Variants in SLC6A18 observed in about 807,000 individuals in gnomAD.
The protein encoded by SLC6A18 is inactive sodium-dependent neutral amino acid transporter B(0)AT3.
A neutral mutation model predicts 62.9 loss-of-function variants in SLC6A18; 58 were observed. The ratio of observed to expected loss-of-function variants is 0.92; its 90% CI spans 0.75 to 1.15. SLC6A18 has a LOEUF of 1.15. Ranked by LOEUF, SLC6A18 falls within the 50% of genes most tolerant of loss-of-function variation. The pLI is 0.00. For synonymous variants in SLC6A18, 382 were observed against 365.8 expected (o/e 1.04, Z -0.51); for missense variants, 793 against 836.6 (o/e 0.95, Z 0.64).
chr5:1,240,034 C>G (rs1747012735), intron 6 of SLC6A18, among the ~76,000 whole-genome samples: 1 of 152,212 alleles, frequency 6.6e-6, no homozygotes, highest in Non-Finnish European at 1.5e-5. Context: ...CGGAGGCAGG[C>G]AGTTTGCATG....
intron 3 of SLC6A18, among the ~76,000 whole-genome samples, chr5:1,233,452 G>A (rs573697996): frequency 1.7e-4 from 26 of 152,054 alleles, no homozygotes; most frequent in Admixed American, 3.9e-4. Context: ...CACTCCAGAC[G>A]GGGTGACAGA....
rs1419579010 is a variant in SLC6A18 at position 1,243,297 on chromosome 5, C to T, written c.1132-258C>T. 6.6e-6 allele frequency among the ~76,000 whole-genome samples: 1 copy of T among 152,156 alleles called. No individual in the cohort carries two copies. The highest frequency in any genetic ancestry group is 1.9e-4 in the East Asian group (1 of 5,188). On this transcript the variant is annotated intron_variant, in intron 8 of 11. Transcript: ENST00000324642. This position sits in a 1 kb window ranked among gnomAD's most constrained non-coding sequence, Gnocchi z 6.5. The stretch of plus-strand genomic sequence containing the variant: ...GCATCTCAGGGTGCCTGACTCTAGG[C>T]ATAAAAGGCGCTGGTTTCTAGGCCC...
chr5:1,233,014 G>C (rs1391160469), intron 3 of SLC6A18, 126 bp downstream of exon 3: 1 of 1,397,750 alleles, frequency 7.2e-7, no homozygotes, highest in Non-Finnish European at 9.5e-7. Flanking sequence ...CCGGGGAACC[G>C]GTTGCTCTGT....
chr5:1,245,100 CCCTG>C (rs1331703625), intron 11 of SLC6A18, among the ~76,000 whole-genome samples: 1 of 152,198 alleles, frequency 6.6e-6, no homozygotes, highest in Admixed American at 6.5e-5. Flanking sequence ...GCTTCATCCT[CCCTG>C]CCTGTGTCCT....
chr5:1,244,540 G>C (rs376363764), intron 10 of SLC6A18, 68 bp from the exon 11 acceptor site: 1 of 1,549,872 alleles, frequency 6.5e-7, no homozygotes, highest in Non-Finnish European at 8.7e-7. Context: ...GTTAGGGTCC[G>C]ATCCTCGGCT....
chr5:1,238,348 AGGAAAGAGGTCAGGTTTGGAGTGGGCCT>A (rs1429789037), intron 5 of SLC6A18, among the ~76,000 whole-genome samples: 51 of 125,150 alleles, frequency 4.1e-4, no homozygotes, highest in African/African-American at 8.3e-4. Flanking sequence ...CTGGGGCCTC[AGGAAAGAGGTCAGGTTTGGAGTGGGCCT>A]GGGGCCTCAG....
chr5:1,244,698 C>A lies in SLC6A18; in HGVS notation c.1587C>A (p.Thr529=), dbSNP rs1747170676. ...TWRVVSPLLL[T]IFVAYIILLF... ...GGGTGGTCAGTCCCCTGCTGCTGAC[C>A]ATCTTTGTGGCTTACATCATCCTCC... Residue 529 remains threonine (T), a synonymous_variant, in exon 11 of 12, where the codon ACC becomes ACA. Coordinates refer to ENST00000324642, the MANE Select transcript of SLC6A18 (RefSeq NM_182632.3). The A allele has an allele frequency of 1.2e-6, 2 of 1,613,108 alleles. No individual in the cohort carries two copies. Among genetic ancestry groups the A allele is most frequent in the Non-Finnish European group, 1.7e-6 (2 of 1,179,328 alleles).
Position 1,232,343 on chromosome 5 carries a change from G to A in SLC6A18, c.285G>A (p.Pro95=), listed in dbSNP as rs556083333. 4.6e-5 allele frequency: 74 copies of A among 1,610,978 alleles called. No homozygotes were observed. The highest frequency in any genetic ancestry group is 2.9e-4 in the East Asian group (13 of 44,854). ...GSVGVWTAIS[P]YLSGVGLGCV... is the part of the protein sequence containing the mutation. Reference sequence around the variant, plus strand: ...TCGGCGTGTGGACGGCCATCTCCCCGTACCTCAGTGGAGTAGGTAGGCCAC... The same window carrying A: ...TCGGCGTGTGGACGGCCATCTCCCCATACCTCAGTGGAGTAGGTAGGCCAC... The change falls in exon 2 of 12, where the codon CCG becomes CCA. Residue 95 remains proline (P), a synonymous_variant. Transcript: ENST00000324642.
At chr5:1,226,623 A>G (rs1226039298) in intron 1 of SLC6A18, among the ~76,000 whole-genome samples, 20 of 152,208 alleles carry the variant, frequency 1.3e-4, no homozygotes, top group Non-Finnish European at 1.5e-5. Flanking sequence ...AAAAACAAAA[A>G]GAAACACCCG....
chr5:1,232,973 C>A, intron 3 of SLC6A18, 85 bp downstream of exon 3: 1 of 1,516,270 alleles, frequency 6.6e-7, no homozygotes, highest in Non-Finnish European at 8.8e-7. Context: ...AGAGCAGCTG[C>A]GGGTGGCGGA....
In SLC6A18 at chr5:1,235,491, G is replaced by C. The variant is rs1746858232; in HGVS notation, c.450G>C (p.Glu150Asp). The C allele has an allele frequency of 1.9e-6, 3 of 1,613,796 alleles. No individual in the cohort carries two copies. The East Asian group carries it at 6.7e-5, about 36-fold the overall frequency. Residue 150 changes from glutamate (E) to aspartate (D), a missense_variant, in exon 4 of 12, where the codon GAG becomes GAC. Transcript: ENST00000324642. ...PPDLNRTGFV[E>D]ECQGSSAVSY... The stretch of plus-strand genomic sequence containing the variant: ...GCCCCCTGGTTTCAGGGTTTGTGGA[G>C]GAGTGCCAGGGCAGCAGCGCCGTGA...
intron 3 of SLC6A18, 72 bp downstream of exon 3, chr5:1,232,960 A>G: frequency 1.3e-6 from 2 of 1,535,520 alleles, no homozygotes; most frequent in Non-Finnish European, 1.8e-6. Context: ...CGTGTCCAGC[A>G]TCAGAGCAGC....
intron 4 of SLC6A18, among the ~76,000 whole-genome samples, 163 bp from the exon 5 acceptor site, chr5:1,237,787 C>T (rs1349369361): frequency 6.6e-6 from 1 of 152,156 alleles, no homozygotes; most frequent in Non-Finnish European, 1.5e-5. Flanking sequence ...GAGCCTGCAC[C>T]CCACCATCCC....
rs1747028620 is a variant in SLC6A18 at position 1,240,614 on chromosome 5, T to A, written c.929T>A (p.Val310Asp). The A allele has an allele frequency of 6.2e-7, 1 of 1,614,026 alleles. No homozygotes were observed. Among genetic ancestry groups the A allele is most frequent in the African/African-American group, 1.3e-5 (1 of 74,940 alleles). ...SLYASIAVFSVLGFKATNDYE... is the reference protein window; with the variant it reads ...SLYASIAVFSDLGFKATNDYE... ...TACGCGTCCATCGCTGTCTTCTCTGTCCTGGGGTTCAAAGCAACTAATGAC... is the reference window on the plus strand; with the variant it reads ...TACGCGTCCATCGCTGTCTTCTCTGACCTGGGGTTCAAAGCAACTAATGAC... Residue 310 changes from valine to aspartate, a missense_variant, in exon 7 of 12, where the codon GTC (valine) becomes GAC (aspartate). Coordinates refer to ENST00000324642, the MANE Select transcript of SLC6A18 (RefSeq NM_182632.3).
rs144132098 is a variant in SLC6A18 at position 1,229,074 on chromosome 5, C to A, written c.161-3145C>A. On this transcript the variant is annotated intron_variant, in intron 1 of 11. Coordinates refer to ENST00000324642, the MANE Select transcript of SLC6A18 (RefSeq NM_182632.3). Reference sequence around the variant, plus strand: ...GGACTTGGGTTGGCCAACAGAGCCACCACCCCCAACCACAACACTCTGGTT... The same window carrying A: ...GGACTTGGGTTGGCCAACAGAGCCAACACCCCCAACCACAACACTCTGGTT... Among the ~76,000 whole-genome samples, 1,368 of 152,306 alleles carry A rather than the reference C, an allele frequency of 9.0e-3. 26 individuals carry two copies. Among genetic ancestry groups the A allele is most frequent in the African/African-American group, 0.031 (1,279 of 41,560 alleles).
At position 1,243,340 on chromosome 5, in the gene SLC6A18, T is replaced by C. The variant is rs1309737223; in HGVS notation, c.1132-215T>C. 1.3e-5 allele frequency among the ~76,000 whole-genome samples: 2 copies of C among 152,088 alleles called. No homozygotes were observed. Among genetic ancestry groups the C allele is most frequent in the Non-Finnish European group, 2.9e-5 (2 of 67,990 alleles). ...CTAGGCCCAGCTGCCTGCTGTGGGT[T>C]ATTAAAGGGGAAGGACCCTCCCCTG... On this transcript the variant is annotated intron_variant, in intron 8 of 11. Coordinates refer to ENST00000324642, the MANE Select transcript of SLC6A18 (RefSeq NM_182632.3). This position sits in a 1 kb window ranked among gnomAD's most constrained non-coding sequence, Gnocchi z 6.5.
At chr5:1,235,102 C>A (rs1362831549) in intron 3 of SLC6A18, among the ~76,000 whole-genome samples, 5 of 152,218 alleles carry the variant, frequency 3.3e-5, no homozygotes, top group Non-Finnish European at 5.9e-5. Context: ...TAGCCAGCCA[C>A]ACACTTGACA....
At position 1,246,145 on chromosome 5, in the gene SLC6A18, C is replaced by G; in HGVS notation, c.*67C>G. On this transcript the variant is annotated 3_prime_UTR_variant, in exon 12 of 12. Transcript: ENST00000324642. ...GGCTTGGCCTGATGGTGGGCGGGGC[C>G]CCGCCCACAGGGCCGACCCCAATAC... The G allele has an allele frequency of 6.7e-7, 1 of 1,487,958 alleles. No homozygotes were observed. Among genetic ancestry groups the G allele is most frequent in the Non-Finnish European group, 8.9e-7 (1 of 1,125,286 alleles). The allele number at this position is 1,487,958 out of a possible 1,614,324, so 92.2% of individuals were successfully genotyped here. A position where few individuals can be genotyped will look rare whatever the true frequency, so the allele number is the denominator to read the frequency against.
rs768807507 is a variant in SLC6A18 at position 1,244,611 on chromosome 5, C to T, written c.1500C>T (p.Phe500=). The T allele has an allele frequency of 1.3e-6, 2 of 1,594,846 alleles. No homozygotes were observed. The highest frequency in any genetic ancestry group is 1.7e-6 in the Non-Finnish European group (2 of 1,167,040). ...CTGAGCCCAGCATCTGGTGCAGGTTCTGCGATGACATTGCGTGGATGACCG... is the reference window on the plus strand; with the variant it reads ...CTGAGCCCAGCATCTGGTGCAGGTTTTGCGATGACATTGCGTGGATGACCG... ...GVVYVYGMKR[F]CDDIAWMTGR... is the part of the protein sequence containing the mutation. The change falls in exon 11 of 12, where the codon TTC becomes TTT. Residue 500 remains phenylalanine (F), a synonymous_variant. Coordinates refer to ENST00000324642, the MANE Select transcript of SLC6A18 (RefSeq NM_182632.3).
Sources: gnomAD v4.1 joint callset for allele counts (sites outside exome capture counted in the v4.1 genomes callset) on GRCh38, gnomAD v4.1.1 for gene constraint, Gnocchi (gnomAD v3.1) non-coding constraint, MANE v1.5 for transcripts, NCBI Gene and HGNC (gene_info 2026-07-23, HGNC 2026-07-21) for gene names.